BCAS4: variants seen among roughly 807,000 people sequenced by gnomAD.
BCAS4 encodes the protein breast carcinoma-amplified sequence 4.
Under a neutral mutation model 15.7 loss-of-function variants are expected in BCAS4, and 9 were observed. The observed-to-expected ratio is 0.57, with a 90% confidence interval of 0.34 to 1.00. The LOEUF (loss-of-function observed/expected upper bound fraction) is 1.00, where lower values mean the gene tolerates loss of function less well. Among genes scored for constraint, BCAS4 ranks in the 50% least tolerant of loss-of-function variants. The pLI is 0.02. For synonymous variants in BCAS4, 101 were observed against 99.5 expected, an observed-to-expected ratio of 1.02 and a Z score of -0.09; for missense variants, 225 against 239.1, an observed-to-expected ratio of 0.94 and a Z score of 0.39.
chr20:50,817,030 T>C (rs760385326), intron 1 of BCAS4, among the ~76,000 whole-genome samples: 2 of 151,488 alleles, frequency 1.3e-5, no homozygotes, highest in Non-Finnish European at 2.9e-5. Context: ...GTCGATCTCC[T>C]GACCTCGTGA....
intron 4 of BCAS4, 47 bp from the exon 5 acceptor site, chr20:50,876,439 C>G (rs1404203428): frequency 3.7e-6 from 6 of 1,604,778 alleles, no homozygotes; most frequent in Non-Finnish European, 5.1e-6. Context: ...GGTCATGGAA[C>G]AAGTGGATCC....
At chr20:50,805,178 C>T (rs1447051993) in intron 1 of BCAS4, among the ~76,000 whole-genome samples, 2 of 152,072 alleles carry the variant, frequency 1.3e-5, no homozygotes, top group Non-Finnish European at 2.9e-5. Context: ...GTTGTACAAC[C>T]ATCAACCACA....
intron 4 of BCAS4, 72 bp downstream of exon 4, chr20:50,841,972 G>C: frequency 6.8e-7 from 1 of 1,473,922 alleles, no homozygotes; most frequent in Non-Finnish European, 9.0e-7. Flanking sequence ...GCGTGGGGAG[G>C]AGCATGCAGG....
At chr20:50,822,015 G>A (rs2088222183) in intron 2 of BCAS4, among the ~76,000 whole-genome samples, 3 of 152,146 alleles carry the variant, frequency 2.0e-5, no homozygotes, top group South Asian at 4.1e-4. Context: ...CCGAAAATTT[G>A]GTGATGTAAA....
At chr20:50,802,464 C>A (rs1481393049) in intron 1 of BCAS4, among the ~76,000 whole-genome samples, 1 of 152,252 alleles carries the variant, frequency 6.6e-6, no homozygotes, top group Admixed American at 6.5e-5. Flanking sequence ...TTCCTCAGGG[C>A]TCTGGCAGCC....
intron 3 of BCAS4, among the ~76,000 whole-genome samples, chr20:50,834,784 T>A (rs924106396): frequency 1.3e-5 from 2 of 152,224 alleles, no homozygotes; most frequent in Non-Finnish European, 2.9e-5. Context: ...GCTGGACATT[T>A]CATGCTAATG....
At chr20:50,798,334 AAAAAG>A (rs1355406567) in intron 1 of BCAS4, among the ~76,000 whole-genome samples, 3 of 152,106 alleles carry the variant, frequency 2.0e-5, no homozygotes, top group Admixed American at 1.3e-4. Flanking sequence ...AAAAGAATTA[AAAAAG>A]AAAAGAAACA....
chr20:50,825,143 G>A (rs2088264560), intron 2 of BCAS4, among the ~76,000 whole-genome samples: 1 of 152,222 alleles, frequency 6.6e-6, no homozygotes, highest in Non-Finnish European at 1.5e-5. Context: ...CACAGGGCCT[G>A]TTCCCAGCAC....
At chr20:50,877,757 A>C (rs936903142), downstream of BCAS4, 1 of 152,400 alleles carries the variant, frequency 6.6e-6, no homozygotes, top group African/African-American at 2.4e-5. Flanking sequence ...GAAGCCTAAA[A>C]TAATGAATCT....
At chr20:50,799,119 T>C (rs532060768) in intron 1 of BCAS4, among the ~76,000 whole-genome samples, 1 of 152,312 alleles carries the variant, frequency 6.6e-6, no homozygotes, top group African/African-American at 2.4e-5. Context: ...AGTGCATTTC[T>C]TGTTCCTTCT....
rs1263566148 is a variant in BCAS4, at chr20:50,845,856, C to T, written c.399+3956C>T. On this transcript the variant is annotated intron_variant, in intron 4 of 4. Transcript: ENST00000371608. ...TGCCCCCATGGGAGGAGCCACACCA[C>T]TCACCAGAGGCGCAGCCCCCAGAGA... Among the ~76,000 whole-genome samples, 4 of 152,282 alleles carry T rather than the reference C, an allele frequency of 2.6e-5. No homozygotes were observed. The East Asian group carries it at 7.7e-4, about 29-fold the overall frequency.
At chr20:50,875,493 G>C (rs987296744) in intron 4 of BCAS4, among the ~76,000 whole-genome samples, 19 of 151,944 alleles carry the variant, frequency 1.3e-4, no homozygotes, top group Non-Finnish European at 2.2e-4. Flanking sequence ...GGCCGGGCGC[G>C]GTGGCTCACG....
intron 1 of BCAS4, among the ~76,000 whole-genome samples, chr20:50,795,495 C>A (rs960689189): frequency 2.0e-5 from 3 of 152,214 alleles, no homozygotes; most frequent in Admixed American, 1.3e-4. Context: ...ACCTCTGCTG[C>A]CCCGGCTACC....
chr20:50,802,332 C>T (rs951993379), intron 1 of BCAS4, among the ~76,000 whole-genome samples: 3 of 152,204 alleles, frequency 2.0e-5, no homozygotes, highest in Non-Finnish European at 4.4e-5. Context: ...CTGGCCGCCT[C>T]CCTGCATCAG....
chr20:50,795,024 C>A (rs1363394232), upstream of BCAS4: 16 of 1,413,038 alleles, frequency 1.1e-5, no homozygotes, highest in East Asian at 9.1e-5. Context: ...GGCTCCGAGG[C>A]CCGGGCGCAA....
chr20:50,832,262 A>G (rs1600868936), intron 3 of BCAS4, among the ~76,000 whole-genome samples: 1 of 143,660 alleles, frequency 7.0e-6, no homozygotes, highest in African/African-American at 2.7e-5. Context: ...AAAACAACAC[A>G]CTTTTTTTTT....
chr20:50,851,368 G>T lies in BCAS4; in HGVS notation c.399+9468G>T, dbSNP rs1240055261. Among the ~76,000 whole-genome samples the T allele has an allele frequency of 6.6e-6, 1 of 152,152 alleles. No individual in the cohort carries two copies. Among genetic ancestry groups the T allele is most frequent in the Non-Finnish European group, 1.5e-5 (1 of 68,032 alleles). ...CCCACCTACCAGCCCCCTCCCCACG[G>T]CTCCCAGGGACCTCCCGGGTTCGTT... On this transcript the variant is annotated intron_variant, in intron 4 of 4. Transcript: ENST00000371608. The surrounding 1 kb of genome is among the most constrained non-coding windows in gnomAD (Gnocchi z 4.3).
intron 4 of BCAS4, among the ~76,000 whole-genome samples, chr20:50,863,580 T>A (rs1979205175): frequency 1.3e-5 from 2 of 152,140 alleles, no homozygotes; most frequent in African/African-American, 2.4e-5. Flanking sequence ...TTTTCAATAC[T>A]TTTTTGTGGA....
chr20:50,830,235 A>G, intron 2 of BCAS4, 44 bp from the exon 3 acceptor site: 1 of 1,529,338 alleles, frequency 6.5e-7, no homozygotes, highest in Non-Finnish European at 9.1e-7. Context: ...AGGAGGACAC[A>G]GTGATGGGGC....
Sources: gnomAD v4.1 joint callset for allele counts (sites outside exome capture counted in the v4.1 genomes callset) on GRCh38, gnomAD v4.1.1 for gene constraint, Gnocchi (gnomAD v3.1) non-coding constraint, MANE v1.5 for transcripts, NCBI Gene and HGNC (gene_info 2026-07-23, HGNC 2026-07-21) for gene names.